Variants in PCDH15 observed in about 807,000 individuals in gnomAD.
PCDH15 encodes protocadherin-15.
In PCDH15, 129 loss-of-function variants were observed where a neutral mutation model predicts 178.5. That is an observed-to-expected ratio of 0.72 (90% CI 0.63 to 0.84). PCDH15 has a LOEUF of 0.84. PCDH15 is among the 40% of genes least tolerant of loss of function. The probability of loss-of-function intolerance (pLI) is 0.00; values close to 1 mark genes in which losing one functional copy is unlikely to be tolerated. For missense variants in PCDH15, 2,230 were observed against 2,099.9 expected, an observed-to-expected ratio of 1.06 and a Z score of -1.21; for synonymous variants, 800 against 732.0, an observed-to-expected ratio of 1.09 and a Z score of -1.50.
intron 8 of PCDH15, among the ~76,000 whole-genome samples, chr10:54,273,633 A>C (rs2132543392): frequency 6.6e-6 from 1 of 152,258 alleles, no homozygotes; most frequent in East Asian, 1.9e-4. Flanking sequence ...TTTTAAAAGA[A>C]AAAAAAGTCA....
At chr10:53,879,617 T>C (rs1395776254) in intron 26 of PCDH15, among the ~76,000 whole-genome samples, 1 of 152,228 alleles carries the variant, frequency 6.6e-6, no homozygotes, top group Non-Finnish European at 1.5e-5. Flanking sequence ...TAAAAATTAA[T>C]AGCATTTTGT....
intron 2 of PCDH15, among the ~76,000 whole-genome samples, chr10:55,024,043 T>A (rs1485566275): frequency 7.2e-6 from 1 of 138,238 alleles, no homozygotes; most frequent in Non-Finnish European, 1.5e-5. Context: ...TCTCTTTCTC[T>A]GATACAGATG....
At chr10:55,600,336 C>A (rs1317569928) in intron 2 of PCDH15, among the ~76,000 whole-genome samples, 1 of 151,252 alleles carries the variant, frequency 6.6e-6, no homozygotes. Flanking sequence ...TGCACTCCAG[C>A]CTGAGAGACA....
chr10:54,880,840 A>T (rs1028818173), intron 3 of PCDH15, among the ~76,000 whole-genome samples: 2 of 150,940 alleles, frequency 1.3e-5, no homozygotes, highest in Admixed American at 6.7e-5. Context: ...CTTTAATGGG[A>T]TAAAGCATAG....
At chr10:55,453,254 AAGAGGAT>A (rs1395782426) in intron 2 of PCDH15, among the ~76,000 whole-genome samples, 4 of 152,172 alleles carry the variant, frequency 2.6e-5, no homozygotes, top group Admixed American at 2.0e-4. Flanking sequence ...GATCATCAGC[AAGAGGAT>A]AGGTGGATTA....
chr10:55,402,270 G>A (rs1054402374), intron 2 of PCDH15, among the ~76,000 whole-genome samples: 12 of 151,778 alleles, frequency 7.9e-5, no homozygotes, highest in African/African-American at 2.9e-4. Context: ...ATATTTATGG[G>A]GTACATATAT....
At chr10:55,354,545 T>C (rs1845026737) in intron 2 of PCDH15, among the ~76,000 whole-genome samples, 1 of 152,096 alleles carries the variant, frequency 6.6e-6, no homozygotes, top group Admixed American at 6.6e-5. Flanking sequence ...TTCAATAAGA[T>C]AATTATCCTT....
At chr10:53,990,422 T>C (rs909793237) in intron 21 of PCDH15, among the ~76,000 whole-genome samples, 11 of 151,330 alleles carry the variant, frequency 7.3e-5, no homozygotes, top group African/African-American at 2.7e-4. Context: ...AGAATTTTTA[T>C]GGAGCATATT....
At chr10:55,013,697 T>G (rs1052776120) in intron 2 of PCDH15, among the ~76,000 whole-genome samples, 1 of 152,180 alleles carries the variant, frequency 6.6e-6, no homozygotes, top group African/African-American at 2.4e-5. Flanking sequence ...GATTATTCAA[T>G]TAACATCTGT....
chr10:54,463,253 CCTA>C (rs1353113665), intron 3 of PCDH15, among the ~76,000 whole-genome samples: 8 of 152,132 alleles, frequency 5.3e-5, no homozygotes, highest in Admixed American at 5.2e-4. Context: ...AGGACTTCCA[CCTA>C]CTATTAGAGT....
intron 2 of PCDH15, among the ~76,000 whole-genome samples, chr10:55,421,820 T>TCA (rs145868647): frequency 0.27 from 40,885 of 151,428 alleles, 6,733 homozygotes; most frequent in African/African-American, 0.47. Context: ...AATATTTTAT[T>TCA]GTTTTTATTA....
At chr10:55,048,825 TCAG>T (rs903760299) in intron 2 of PCDH15, among the ~76,000 whole-genome samples, 1 of 151,994 alleles carries the variant, frequency 6.6e-6, no homozygotes, top group Non-Finnish European at 1.5e-5. Flanking sequence ...TTTATTCATT[TCAG>T]CACAGAAATA....
chr10:54,761,639 T>C (rs1947885227), intron 1 of PCDH15, among the ~76,000 whole-genome samples: 1 of 151,100 alleles, frequency 6.6e-6, no homozygotes, highest in Non-Finnish European at 1.5e-5. Flanking sequence ...GCCGAGATCA[T>C]GCCACTGCAC....
At chr10:53,827,029 T>C (rs1399412020) in intron 32 of PCDH15, among the ~76,000 whole-genome samples, 1 of 151,802 alleles carries the variant, frequency 6.6e-6, no homozygotes, top group East Asian at 1.9e-4. Flanking sequence ...TATGCAAAAA[T>C]ATATTTTTCA....
intron 2 of PCDH15, among the ~76,000 whole-genome samples, chr10:55,410,773 A>G (rs190472385): frequency 1.7e-4 from 26 of 152,142 alleles, no homozygotes; most frequent in African/African-American, 6.3e-4. Flanking sequence ...ACTCCTCCCA[A>G]ATGTCAGACA....
intron 3 of PCDH15, among the ~76,000 whole-genome samples, chr10:54,415,736 C>CA (rs1782277558): frequency 6.6e-6 from 1 of 151,214 alleles, no homozygotes; most frequent in African/African-American, 2.4e-5. Flanking sequence ...GACAGACAAA[C>CA]AATGAAAATA....
At chr10:55,513,543 C>T (rs1176865670) in intron 2 of PCDH15, among the ~76,000 whole-genome samples, 4 of 152,020 alleles carry the variant, frequency 2.6e-5, no homozygotes, top group African/African-American at 9.6e-5. Context: ...GGTGATAAAA[C>T]GGATAATGTT....
chr10:55,484,055 A>G (rs1267984121), intron 2 of PCDH15, among the ~76,000 whole-genome samples: 1 of 151,750 alleles, frequency 6.6e-6, no homozygotes, highest in Non-Finnish European at 1.5e-5. Context: ...CAGGAACAGA[A>G]AACCAAATAC....
chr10:55,560,303 A>C (rs1018573255), intron 2 of PCDH15, among the ~76,000 whole-genome samples: 2 of 151,916 alleles, frequency 1.3e-5, no homozygotes, highest in African/African-American at 4.8e-5. Context: ...GTATTCTTAG[A>C]CTGGGAATGC....
Sources: gnomAD v4.1 joint callset for allele counts (sites outside exome capture counted in the v4.1 genomes callset) on GRCh38, gnomAD v4.1.1 for gene constraint, MANE v1.5 for transcripts, NCBI Gene and HGNC (gene_info 2026-07-23, HGNC 2026-07-21) for gene names.